Variants in EPB41L4B observed in about 807,000 individuals in gnomAD.
EPB41L4B encodes erythrocyte membrane protein band 4.1 like 4B, also known as band 4.1-like protein 4B.
EPB41L4B carries 30 observed loss-of-function variants against 112.5 expected under a neutral mutation model. The ratio of observed to expected loss-of-function variants is 0.27; its 90% CI spans 0.20 to 0.36. EPB41L4B has a LOEUF of 0.36. Among genes scored for constraint, EPB41L4B ranks in the 10% least tolerant of loss-of-function variants. The pLI is 1.00. For missense variants in EPB41L4B, 1,024 were observed against 1,133.3 expected (o/e 0.90, Z 1.38); for synonymous variants, 408 against 439.7 (o/e 0.93, Z 0.90).
intron 15 of EPB41L4B, among the ~76,000 whole-genome samples, chr9:109,230,686 A>G (rs568835904): frequency 6.6e-6 from 1 of 152,328 alleles, no homozygotes; most frequent in South Asian, 2.1e-4. Flanking sequence ...TATTTGAAAC[A>G]CTGTACCTTT....
In EPB41L4B at chr9:109,258,262, G is replaced by A; in HGVS notation, c.667C>T (p.Pro223Ser). The part of the protein sequence containing the change: ...LGECELPEHT[P>S]ELVSEFRFIP... ...AACCGAAACTCAGACACAAGCTCTG[G>A]TGTGTGTTCTGGAAGCTCGCACTCC... Residue 223 changes from proline (P) to serine (S), a missense_variant, in exon 7 of 26, where the codon CCA becomes TCA. Coordinates refer to ENST00000374566, the MANE Select transcript of EPB41L4B (RefSeq NM_019114.5). 1 of 1,613,958 alleles carries A rather than the reference G, an allele frequency of 6.2e-7. No homozygotes were observed. Among genetic ancestry groups the A allele is most frequent in the East Asian group, 2.2e-5 (1 of 44,876 alleles).
intron 1 of EPB41L4B, among the ~76,000 whole-genome samples, chr9:109,282,805 C>G (rs986029649): frequency 6.6e-6 from 1 of 152,130 alleles, no homozygotes; most frequent in African/African-American, 2.4e-5. Flanking sequence ...ATTCTGCTGC[C>G]TCAGCCTCCC....
At position 109,267,338 on chromosome 9, in the gene EPB41L4B, G is replaced by A. The variant is rs79567093; in HGVS notation, c.533+135C>T. ...ATTTTTAACGGAACACGGAAGCACC[G>A]GAAAAGTACTAATAACTCTTGCTGA... On this transcript the variant is annotated intron_variant, in intron 4 of 25. Coordinates refer to ENST00000374566, the MANE Select transcript of EPB41L4B (RefSeq NM_019114.5). The A allele has an allele frequency of 1.2e-3, 656 of 549,806 alleles. 3 individuals carry two copies. The highest frequency in any genetic ancestry group is 0.01 in the African/African-American group (549 of 52,416). The allele number at this position is 549,806 out of a possible 1,614,324, so 34.1% of individuals were successfully genotyped here.
In EPB41L4B at chr9:109,263,106, G is replaced by GA; in HGVS notation, c.579-5dup. ...TGTTTCATAAGGGCATTTCAATCTTGAAAAAAATAAAATGAAATTAATTCG... is the reference window on the plus strand; with the variant it reads ...TGTTTCATAAGGGCATTTCAATCTTGAAAAAAAATAAAATGAAATTAATTCG... On this transcript the variant is annotated splice_polypyrimidine_tract_variant and splice_region_variant and intron_variant, in intron 5 of 25. Coordinates refer to ENST00000374566, the MANE Select transcript of EPB41L4B (RefSeq NM_019114.5). 4 of 1,575,946 alleles carry GA rather than the reference G, an allele frequency of 2.5e-6. No individual in the cohort carries two copies. Among genetic ancestry groups the GA allele is most frequent in the Non-Finnish European group, 3.5e-6 (4 of 1,153,448 alleles).
At position 109,174,037 on chromosome 9, in the gene EPB41L4B, T is replaced by C. The variant is rs1470623179; in HGVS notation, c.*517A>G. 1 of 152,684 alleles carries C rather than the reference T, an allele frequency of 6.5e-6. No individual in the cohort carries two copies. Among genetic ancestry groups the C allele is most frequent in the Non-Finnish European group, 1.5e-5 (1 of 68,150 alleles). The allele number at this position is 152,684 out of a possible 1,614,324, so 9.5% of individuals were successfully genotyped here. On this transcript the variant is annotated 3_prime_UTR_variant, in exon 26 of 26. Coordinates refer to ENST00000374566, the MANE Select transcript of EPB41L4B (RefSeq NM_019114.5). ...TCATAGTGATATGTAACTTTCTTTT[T>C]TTAGTTCTTCTACTCACATCTGAAT...
rs151179284 is a variant in EPB41L4B, at chr9:109,217,849, A to T, written c.1410-704T>A. Among the ~76,000 whole-genome samples the T allele has an allele frequency of 1.5e-3, 225 of 152,172 alleles. 2 individuals carry two copies. Among genetic ancestry groups the T allele is most frequent in the Middle Eastern group, 0.014 (4 of 294 alleles). On this transcript the variant is annotated intron_variant, in intron 15 of 25. Coordinates refer to ENST00000374566, the MANE Select transcript of EPB41L4B (RefSeq NM_019114.5). ...GGGCTTCCCAAAATGCTGGGATTAC[A>T]GGTGTAAGCCACTGTGCCCAGCTTA...
chr9:109,317,938 G>A (rs1360627651), intron 1 of EPB41L4B, among the ~76,000 whole-genome samples: 3 of 152,232 alleles, frequency 2.0e-5, no homozygotes, highest in East Asian at 1.9e-4. Flanking sequence ...GCCGCCTGGC[G>A]TTAACCTCGT....
At chr9:109,317,360 A>G (rs951019104) in intron 1 of EPB41L4B, among the ~76,000 whole-genome samples, 1 of 152,176 alleles carries the variant, frequency 6.6e-6, no homozygotes, top group Non-Finnish European at 1.5e-5. Flanking sequence ...TGTGCCAGTC[A>G]TATCACTTAG....
intron 1 of EPB41L4B, among the ~76,000 whole-genome samples, chr9:109,280,551 G>A (rs1835994816): frequency 6.6e-6 from 1 of 152,236 alleles, no homozygotes; most frequent in Middle Eastern, 3.4e-3. Context: ...CTTCGTACAA[G>A]TCACTCCTCC....
At chr9:109,211,632 T>G (rs1588139558) in intron 17 of EPB41L4B, among the ~76,000 whole-genome samples, 1 of 150,950 alleles carries the variant, frequency 6.6e-6, no homozygotes, top group South Asian at 2.1e-4. Context: ...GTAATATATT[T>G]TGTGTGTGTG....
intron 1 of EPB41L4B, among the ~76,000 whole-genome samples, chr9:109,289,825 C>T (rs967662616): frequency 2.6e-5 from 4 of 152,096 alleles, no homozygotes; most frequent in African/African-American, 9.7e-5. Flanking sequence ...GGTTTCTAAC[C>T]CCAAGTGCAG....
At chr9:109,298,979 G>A (rs1836849815) in intron 1 of EPB41L4B, among the ~76,000 whole-genome samples, 1 of 152,152 alleles carries the variant, frequency 6.6e-6, no homozygotes, top group South Asian at 2.1e-4. Context: ...ACCTAGAGAA[G>A]CAAAAATAGG....
At chr9:109,177,597 G>A (rs1333177180) in intron 24 of EPB41L4B, among the ~76,000 whole-genome samples, 2 of 152,092 alleles carry the variant, frequency 1.3e-5, no homozygotes, top group African/African-American at 2.4e-5. Context: ...CGAGGTGGGT[G>A]GATCACCTGA....
At chr9:109,269,787 A>G (rs557390913) in intron 2 of EPB41L4B, among the ~76,000 whole-genome samples, 1 of 152,250 alleles carries the variant, frequency 6.6e-6, no homozygotes, top group African/African-American at 2.4e-5. Context: ...CTGACTGCCA[A>G]TGGGCTTTCA....
intron 15 of EPB41L4B, among the ~76,000 whole-genome samples, chr9:109,217,773 A>G (rs981551334): frequency 6.6e-6 from 1 of 152,046 alleles, no homozygotes; most frequent in Non-Finnish European, 1.5e-5. Context: ...GGATCTCGCT[A>G]TGTTGCCTGG....
At chr9:109,299,604 T>A in intron 1 of EPB41L4B, among the ~76,000 whole-genome samples, 1 of 152,174 alleles carries the variant, frequency 6.6e-6, no homozygotes, top group East Asian at 1.9e-4. Flanking sequence ...GTTTTGTTTT[T>A]TTAATTGAAG....
intron 1 of EPB41L4B, among the ~76,000 whole-genome samples, chr9:109,316,517 GAGGGA>G (rs1837640015): frequency 6.6e-6 from 1 of 152,210 alleles, no homozygotes; most frequent in Non-Finnish European, 1.5e-5. Context: ...AGGGCAGGCC[GAGGGA>G]GGGAGTCCTG....
At chr9:109,288,103 G>T (rs1836369919) in intron 1 of EPB41L4B, among the ~76,000 whole-genome samples, 1 of 152,262 alleles carries the variant, frequency 6.6e-6, no homozygotes, top group Non-Finnish European at 1.5e-5. Flanking sequence ...GGGGCCTTCA[G>T]GCCCCGTCAC....
intron 15 of EPB41L4B, among the ~76,000 whole-genome samples, chr9:109,222,019 G>T (rs1833590943): frequency 6.6e-6 from 1 of 152,056 alleles, no homozygotes; most frequent in African/African-American, 2.4e-5. Flanking sequence ...AGAGCACAGT[G>T]GTATCATGCA....
Sources: gnomAD v4.1 joint callset for allele counts (sites outside exome capture counted in the v4.1 genomes callset) on GRCh38, gnomAD v4.1.1 for gene constraint, MANE v1.5 for transcripts, NCBI Gene and HGNC (gene_info 2026-07-23, HGNC 2026-07-21) for gene names.